The following RTEL1 variants were observed in gnomAD, a reference collection of about 807,000 sequenced individuals.
RTEL1 encodes the protein regulator of telomere elongation helicase 1, also known as regulator of telomere length.
RTEL1 carries 86 observed loss-of-function variants against 162.2 expected under a neutral mutation model. The observed-to-expected ratio is 0.53, with a 90% CI of 0.45 to 0.63. RTEL1 has a LOEUF of 0.63. RTEL1 is among the 30% of genes least tolerant of loss of function. The pLI is 0.00. For missense variants in RTEL1, 1,941 were observed against 1,750.2 expected (o/e 1.11, Z -1.95); for synonymous variants, 958 against 717.9 (o/e 1.33, Z -5.35).
intron 14 of RTEL1, chr20:63,681,685 C>T (rs929940778): frequency 3.9e-5 from 38 of 985,198 alleles, no homozygotes; most frequent in Middle Eastern, 5.2e-4. Context: ...TGAGCGGGGG[C>T]GAGACCTGGG....
At chr20:63,684,486 T>G (rs529481161) in intron 14 of RTEL1, among the ~76,000 whole-genome samples, 1 of 152,116 alleles carries the variant, frequency 6.6e-6, no homozygotes, top group Non-Finnish European at 1.5e-5. Flanking sequence ...CCCAAATACC[T>G]GGGATTATAG....
intron 25 of RTEL1, 36 bp from the exon 26 acceptor site, chr20:63,690,258 C>G: frequency 6.2e-7 from 1 of 1,602,368 alleles, no homozygotes; most frequent in Non-Finnish European, 8.5e-7. Context: ...CCCAGAGGAG[C>G]CAGAAATGGG....
chr20:63,680,556 G>A (rs924735473), intron 13 of RTEL1, 108 bp from the exon 14 acceptor site: 5 of 1,216,466 alleles, frequency 4.1e-6, no homozygotes, highest in Non-Finnish European at 5.9e-6. Context: ...TTGGGCAGGA[G>A]ATGGAGCTTG....
intron 28 of RTEL1, 188 bp from the exon 29 acceptor site, chr20:63,692,617 C>A (rs1376925440): frequency 4.9e-6 from 3 of 617,386 alleles, no homozygotes; most frequent in African/African-American, 1.8e-5. Context: ...CTCAGACGGG[C>A]CCAGCCCCAC....
intron 14 of RTEL1, among the ~76,000 whole-genome samples, chr20:63,683,589 G>A (rs939876531): frequency 7.2e-5 from 11 of 152,178 alleles, no homozygotes; most frequent in Admixed American, 3.3e-4. Context: ...TCTGCCCCCC[G>A]GTGTTCTCTA....
chr20:63,677,489 C>G (rs2090379914), intron 10 of RTEL1, among the ~76,000 whole-genome samples: 1 of 152,172 alleles, frequency 6.6e-6, no homozygotes, highest in Admixed American at 6.5e-5. Flanking sequence ...GTGGCGCACA[C>G]CTATAGTCCC....
At position 63,661,489 on chromosome 20, in the gene RTEL1, C is replaced by T. The variant is rs2146149184; in HGVS notation, c.294C>T (p.Asp98=). Residue 98 remains aspartate, a synonymous_variant, in exon 3 of 35, where the codon GAC becomes GAT. Coordinates refer to ENST00000360203, the MANE Select transcript of RTEL1 (RefSeq NM_001283009.2). This position sits in a 1 kb window ranked among gnomAD's most constrained non-coding sequence, Gnocchi z 5.1. ...GCAACGCTGCTGCTGCTGCTGGAGA[C>T]CCCATAGGTGACCCTAGTTCCCAGG... is the stretch of plus-strand genomic sequence containing the variant. ...SWGNAAAAAG[D]PIACYTDIPK... The T allele has an allele frequency of 1.2e-6, 2 of 1,610,468 alleles. No homozygotes were observed. The highest frequency in any genetic ancestry group is 2.2e-5 in the East Asian group (1 of 44,866).
rs751485866 is a variant in RTEL1, at chr20:63,694,723, A to C, written c.3110-18A>C. ...CTCCACCCCAGCGCCACTCTGAGCCATGCTACTCCCACACCAGGAGACCCT... is the reference window on the plus strand; with the variant it reads ...CTCCACCCCAGCGCCACTCTGAGCCCTGCTACTCCCACACCAGGAGACCCT... On this transcript the variant is annotated intron_variant, in intron 31 of 34. Transcript: ENST00000360203. The C allele has an allele frequency of 1.3e-6, 2 of 1,584,252 alleles. No individual in the cohort carries two copies. The highest frequency in any genetic ancestry group is 2.7e-5 in the African/African-American group (2 of 74,176).
At chr20:63,675,056 C>T (rs900657346) in intron 10 of RTEL1, among the ~76,000 whole-genome samples, 6 of 152,090 alleles carry the variant, frequency 3.9e-5, no homozygotes, top group Admixed American at 6.5e-5. Flanking sequence ...CACAGGCGTG[C>T]ACCACCACGC....
At chr20:63,689,928 G>C in intron 24 of RTEL1, 63 bp downstream of exon 24, 1 of 1,559,030 alleles carries the variant, frequency 6.4e-7, no homozygotes, top group Non-Finnish European at 8.7e-7. Context: ...CTGGGCCCCT[G>C]GACTCTCCTT....
intron 30 of RTEL1, among the ~76,000 whole-genome samples, chr20:63,693,919 G>T (rs1335995211): frequency 6.6e-6 from 1 of 150,856 alleles, no homozygotes; most frequent in Non-Finnish European, 1.5e-5. Flanking sequence ...GCACACGCCA[G>T]GGTCCTAGGG....
intron 9 of RTEL1, among the ~76,000 whole-genome samples, chr20:63,673,219 C>A (rs2090281185): frequency 1.3e-5 from 2 of 152,016 alleles, no homozygotes; most frequent in South Asian, 4.2e-4. Flanking sequence ...TAGTGAAACA[C>A]CGTCTCTACT....
At chr20:63,660,060 A>G (rs1448713886) in intron 2 of RTEL1, among the ~76,000 whole-genome samples, 1 of 152,106 alleles carries the variant, frequency 6.6e-6, no homozygotes, top group East Asian at 1.9e-4. Flanking sequence ...TGGAGTAAAG[A>G]GTAACAGAGC....
intron 13 of RTEL1, among the ~76,000 whole-genome samples, chr20:63,680,244 A>G (rs1380364817): frequency 1.3e-5 from 2 of 152,140 alleles, no homozygotes; most frequent in African/African-American, 2.4e-5. Flanking sequence ...GCTTCTCCAC[A>G]CCACCCCGAG....
In RTEL1 at chr20:63,696,030, C is replaced by G; in HGVS notation, c.*172C>G. The G allele has an allele frequency of 1.6e-6, 1 of 643,178 alleles. No homozygotes were observed. The highest frequency in any genetic ancestry group is 2.6e-6 in the Non-Finnish European group (1 of 379,054). 39.8% of individuals were successfully genotyped at this position (643,178 alleles called of 1,614,324 possible). A position where few individuals can be genotyped will look rare whatever the true frequency, so the allele number is the denominator to read the frequency against. On this transcript the variant is annotated 3_prime_UTR_variant, in exon 35 of 35. Coordinates refer to ENST00000360203, the MANE Select transcript of RTEL1 (RefSeq NM_001283009.2). ...GTTGGTCCCTGCGGTGGGACCGGAT[C>G]TGGGCCTGCCTCTGAGAAGCCCTGA...
chr20:63,662,552 G>C lies in RTEL1; in HGVS notation c.402G>C (p.Lys134Asn). 2 of 1,614,080 alleles carry C rather than the reference G, an allele frequency of 1.2e-6. No individual in the cohort carries two copies. The highest frequency in any genetic ancestry group is 1.1e-5 in the South Asian group (1 of 91,062). Residue 134 changes from lysine to asparagine, a missense_variant, in exon 5 of 35, where the codon AAG (lysine) becomes AAC (asparagine). Lys to Asn is a moderately conservative substitution (Grantham distance 94, BLOSUM62 0). Transcript: ENST00000360203. ...NELRNTSYRP[K>N]VCVLGSREQL... ...CGGTGCTCTCTCCCACCAGGCCTAA[G>C]GTGTGTGTGCTGGGCTCCCGGGAGC...
At chr20:63,679,741 A>G (rs547118086) in intron 12 of RTEL1, 108 bp from the exon 13 acceptor site, 44 of 815,838 alleles carry the variant, frequency 5.4e-5, no homozygotes, top group Admixed American at 2.4e-4. Flanking sequence ...TACATCTTTG[A>G]CCAGTGTCGT....
At chr20:63,684,516 G>T (rs2090548270) in intron 14 of RTEL1, among the ~76,000 whole-genome samples, 1 of 152,156 alleles carries the variant, frequency 6.6e-6, no homozygotes, top group African/African-American at 2.4e-5. Context: ...ACCACGCCTG[G>T]CTAATTTTTT....
At chr20:63,693,456 T>TCCACCACCTCCACCACCACCACCA (rs1262595789) in intron 30 of RTEL1, among the ~76,000 whole-genome samples, 173 bp downstream of exon 30, 1 of 21,042 alleles carries the variant, frequency 4.8e-5, no homozygotes. Flanking sequence ...CAGCACCACC[T>TCCACCACCTCCACCACCACCACCA]CCACCTCCAC....
Sources: gnomAD v4.1 joint callset for allele counts (sites outside exome capture counted in the v4.1 genomes callset) on GRCh38, gnomAD v4.1.1 for gene constraint, Gnocchi (gnomAD v3.1) non-coding constraint, MANE v1.5 for transcripts, NCBI Gene and HGNC (gene_info 2026-07-23, HGNC 2026-07-21) for gene names.